Variants in EFHC1 observed in about 807,000 individuals in gnomAD.
The protein encoded by EFHC1 is EF-hand domain containing 1.
EFHC1 carries 53 observed loss-of-function variants against 69.9 expected under a neutral mutation model. That is an observed-to-expected ratio of 0.76 (90% CI 0.61 to 0.95). EFHC1 has a LOEUF of 0.95. EFHC1 is among the 40% of genes least tolerant of loss of function. The pLI, the probability that EFHC1 is intolerant of heterozygous loss-of-function variation, is 0.00. For synonymous variants in EFHC1, 256 were observed against 278.4 expected, an observed-to-expected ratio of 0.92 and a Z score of 0.80; for missense variants, 739 against 798.7, an observed-to-expected ratio of 0.93 and a Z score of 0.90.
intron 7 of EFHC1, among the ~76,000 whole-genome samples, chr6:52,475,237 G>A (rs1765521830): frequency 1.3e-5 from 2 of 152,140 alleles, no homozygotes; most frequent in South Asian, 4.2e-4. Flanking sequence ...AAGAAAGGGT[G>A]CTTGACAATA....
intron 5 of EFHC1, among the ~76,000 whole-genome samples, chr6:52,458,025 T>C (rs959424141): frequency 2.0e-4 from 31 of 152,126 alleles, no homozygotes; most frequent in African/African-American, 6.5e-4. Flanking sequence ...ATCAATGAAA[T>C]AGAACAAATT....
At chr6:52,435,185 C>A (rs995675185) in intron 2 of EFHC1, among the ~76,000 whole-genome samples, 1 of 152,130 alleles carries the variant, frequency 6.6e-6, no homozygotes, top group Admixed American at 6.5e-5. Flanking sequence ...TTTGCCATCT[C>A]ATCTTGAATG....
chr6:52,420,428 G>A lies in EFHC1; in HGVS notation c.18G>A (p.Val6=), dbSNP rs1275297495. MVSNP[V]HGLPFLPGTS... ...CGGCTGCAATGGTGTCCAATCCCGT[G>A]CATGGCTTGCCCTTTCTTCCGGGCA... The change falls in exon 1 of 11, where the codon GTG becomes GTA. Residue 6 remains valine, a synonymous_variant. Coordinates refer to ENST00000371068, the MANE Select transcript of EFHC1 (RefSeq NM_018100.4). 3.1e-6 allele frequency: 5 copies of A among 1,614,248 alleles called. No homozygotes were observed. In the South Asian group the frequency reaches 5.5e-5, roughly 18 times the overall value.
intron 3 of EFHC1, among the ~76,000 whole-genome samples, chr6:52,449,464 T>C (rs1764868188): frequency 6.6e-6 from 1 of 152,212 alleles, no homozygotes; most frequent in Non-Finnish European, 1.5e-5. Flanking sequence ...CTGGGCCTTT[T>C]TTGGTTCATA....
intron 3 of EFHC1, among the ~76,000 whole-genome samples, chr6:52,451,656 A>G (rs549732076): frequency 6.6e-6 from 1 of 152,170 alleles, no homozygotes; most frequent in South Asian, 2.1e-4. Flanking sequence ...GATTCTTTGT[A>G]TTTCCTTAAT....
intron 2 of EFHC1, chr6:52,437,448 T>C (rs1243246965): frequency 6.6e-6 from 1 of 152,236 alleles, no homozygotes; most frequent in Non-Finnish European, 1.5e-5. Flanking sequence ...ACTTTTTCTG[T>C]AAAGGGCAGT....
Position 52,465,146 on chromosome 6 carries a change from G to T in EFHC1, c.1137+31G>T, listed in dbSNP as rs115160207. The T allele has an allele frequency of 1.1e-3, 1,728 of 1,592,036 alleles. 19 individuals are homozygous for T. The African/African-American group carries it at 0.02, about 18-fold the overall frequency. On this transcript the variant is annotated intron_variant, in intron 6 of 10. Coordinates refer to ENST00000371068, the MANE Select transcript of EFHC1 (RefSeq NM_018100.4). ...CAGATAGTACTTCTTAGTGTGGTGA[G>T]AAAACTAATTTTTTGAGGTAGAAAT...
rs115919316 is a variant in EFHC1 at position 52,467,066 on chromosome 6, C to T, written c.1137+1951C>T. On this transcript the variant is annotated intron_variant, in intron 6 of 10. Coordinates refer to ENST00000371068, the MANE Select transcript of EFHC1 (RefSeq NM_018100.4). The stretch of plus-strand genomic sequence containing the variant: ...CATGAGAACAGATTTAGATTTTGAT[C>T]AAGGAAACTATTTTACCACTTCAGT... Among the ~76,000 whole-genome samples the T allele has an allele frequency of 5.5e-3, 843 of 151,916 alleles. 8 individuals are homozygous for T. The highest frequency in any genetic ancestry group is 0.019 in the African/African-American group (793 of 41,436).
At chr6:52,441,077 T>C (rs1327403553) in intron 3 of EFHC1, among the ~76,000 whole-genome samples, 1 of 152,180 alleles carries the variant, frequency 6.6e-6, no homozygotes, top group African/African-American at 2.4e-5. Context: ...TTTCCCATTC[T>C]TTAGATAGTC....
intron 5 of EFHC1, among the ~76,000 whole-genome samples, chr6:52,457,498 T>C (rs1765069120): frequency 1.3e-5 from 2 of 152,338 alleles, no homozygotes; most frequent in Non-Finnish European, 2.9e-5. Context: ...TAGGAAATTA[T>C]GGGAGTAACT....
intron 3 of EFHC1, among the ~76,000 whole-genome samples, chr6:52,447,608 C>T (rs139220475): frequency 9.2e-5 from 14 of 152,364 alleles, no homozygotes; most frequent in African/African-American, 3.4e-4. Flanking sequence ...TGTTCCATTG[C>T]TGGCGAGGAG....
Position 52,494,427 on chromosome 6 carries a change from T to TG in EFHC1, c.*2087dup, listed in dbSNP as rs750276165. On this transcript the variant is annotated 3_prime_UTR_variant, in exon 11 of 11. Coordinates refer to ENST00000371068, the MANE Select transcript of EFHC1 (RefSeq NM_018100.4). ...TCCCTTTGTTCCTATTCAGCCATGC[T>TG]GCTGTTTCTAGCCCATGTAGGCTCT... The TG allele has an allele frequency of 1.3e-5, 6 of 454,194 alleles. No individual in the cohort carries two copies. Among genetic ancestry groups the TG allele is most frequent in the South Asian group, 9.3e-5 (6 of 64,478 alleles). The allele number at this position is 454,194 out of a possible 1,614,324, so 28.1% of individuals were successfully genotyped here.
chr6:52,477,111 C>A (rs1480576001), intron 7 of EFHC1, among the ~76,000 whole-genome samples: 1 of 152,004 alleles, frequency 6.6e-6, no homozygotes, highest in African/African-American at 2.4e-5. Flanking sequence ...ATTGTCCCCC[C>A]CAACCCCCCG....
chr6:52,460,885 T>C (rs1294895694), intron 5 of EFHC1, among the ~76,000 whole-genome samples: 1 of 152,128 alleles, frequency 6.6e-6, no homozygotes, highest in African/African-American at 2.4e-5. Context: ...AGAAGTAAAG[T>C]CTAAGATACA....
At chr6:52,439,674 C>T (rs1349371195) in intron 3 of EFHC1, among the ~76,000 whole-genome samples, 1 of 152,058 alleles carries the variant, frequency 6.6e-6, no homozygotes, top group Non-Finnish European at 1.5e-5. Context: ...TTGAGGGGCT[C>T]TTTATAGAGG....
intron 1 of EFHC1, chr6:52,423,667 T>C (rs1041097557): frequency 4.4e-6 from 2 of 451,492 alleles, no homozygotes; most frequent in Non-Finnish European, 7.7e-6. Context: ...ATTTTTTTTT[T>C]TTTTTTTTTT....
chr6:52,442,568 A>G (rs1764689547), intron 3 of EFHC1, among the ~76,000 whole-genome samples: 1 of 151,758 alleles, frequency 6.6e-6, no homozygotes, highest in Non-Finnish European at 1.5e-5. Flanking sequence ...TCCTTGCGAT[A>G]GTTTGCTCAG....
chr6:52,453,270 G>A, intron 4 of EFHC1: 13 of 1,287,900 alleles, frequency 1.0e-5, no homozygotes, highest in Non-Finnish European at 1.3e-5. Context: ...TTTCACAGAA[G>A]CCCCACTACA....
At position 52,429,813 on chromosome 6, in the gene EFHC1, C is replaced by T. The variant is rs371989916; in HGVS notation, c.285+5646C>T. On this transcript the variant is annotated intron_variant, in intron 2 of 10. Coordinates refer to ENST00000371068, the MANE Select transcript of EFHC1 (RefSeq NM_018100.4). Reference sequence around the variant, plus strand: ...TGGTCATTTTCACAATGTTGATTCCCACCCTATCAGCATGGAATGTGTTTC... The same window carrying T: ...TGGTCATTTTCACAATGTTGATTCCTACCCTATCAGCATGGAATGTGTTTC... Among the ~76,000 whole-genome samples, 3 of 151,918 alleles carry T rather than the reference C, an allele frequency of 2.0e-5. No individual in the cohort carries two copies. In the East Asian group the frequency reaches 5.8e-4, roughly 29 times the overall value.
Sources: gnomAD v4.1 joint callset for allele counts (sites outside exome capture counted in the v4.1 genomes callset) on GRCh38, gnomAD v4.1.1 for gene constraint, MANE v1.5 for transcripts, NCBI Gene and HGNC (gene_info 2026-07-23, HGNC 2026-07-21) for gene names.